The following TNFAIP8L3 variants were observed in gnomAD, a reference collection of about 807,000 sequenced individuals.
TNFAIP8L3 encodes the protein tumor necrosis factor alpha-induced protein 8-like protein 3.
A neutral mutation model predicts 11.8 loss-of-function variants in TNFAIP8L3; 7 were observed. That is an observed-to-expected ratio of 0.59 (90% CI 0.34 to 1.11). TNFAIP8L3 has a LOEUF of 1.11. Among genes scored for constraint, TNFAIP8L3 ranks in the 50% most tolerant of loss-of-function variants. TNFAIP8L3 has a pLI of 0.03. For synonymous variants in TNFAIP8L3, 98 were observed against 103.8 expected (o/e 0.94, Z 0.34); for missense variants, 219 against 258.6 (o/e 0.85, Z 1.05).
intron 1 of TNFAIP8L3, among the ~76,000 whole-genome samples, chr15:51,081,093 C>T (rs1233525801): frequency 6.6e-6 from 1 of 152,164 alleles, no homozygotes; most frequent in Non-Finnish European, 1.5e-5. Flanking sequence ...CCAGGAATGG[C>T]CACAAGACTT....
At chr15:51,104,160 A>G (rs916753450) in intron 1 of TNFAIP8L3, among the ~76,000 whole-genome samples, 1 of 152,132 alleles carries the variant, frequency 6.6e-6, no homozygotes, top group African/African-American at 2.4e-5. Context: ...CCATGCTGCC[A>G]TCCAAAGTCC....
At chr15:51,077,536 T>C (rs2065361506) in intron 1 of TNFAIP8L3, among the ~76,000 whole-genome samples, 3 of 152,142 alleles carry the variant, frequency 2.0e-5, no homozygotes, top group Admixed American at 2.0e-4. Context: ...TGGCTTCAAT[T>C]GTTTGTACCC....
intron 1 of TNFAIP8L3, among the ~76,000 whole-genome samples, chr15:51,093,932 G>A (rs1416232269): frequency 6.6e-6 from 1 of 152,206 alleles, no homozygotes; most frequent in South Asian, 2.1e-4. Context: ...GAAGTCGGGA[G>A]GCGCGCGCCC....
chr15:51,096,205 G>C (rs1485136889), upstream of TNFAIP8L3, among the ~76,000 whole-genome samples: 1 of 152,148 alleles, frequency 6.6e-6, no homozygotes, highest in East Asian at 1.9e-4. Context: ...GTGAGTTTTG[G>C]CTTCTGGTCT....
At position 51,094,895 on chromosome 15, in the gene TNFAIP8L3, C is replaced by T. The variant is rs113009206; in HGVS notation, c.-300G>A. Among the ~76,000 whole-genome samples, 3 of 151,080 alleles carry T rather than the reference C, an allele frequency of 2.0e-5. No homozygotes were observed. Among genetic ancestry groups the T allele is most frequent in the African/African-American group, 7.3e-5 (3 of 41,272 alleles). ...GGGGAGGCGCGAGCGCCGAGGAGCC[C>T]GAGCGTCCGGCGCCCGGCGGGCTCC... On this transcript the variant is annotated 5_prime_UTR_variant, in exon 1 of 2. Coordinates refer to ENST00000637513, the MANE Select transcript of TNFAIP8L3 (RefSeq NM_001311175.2). The surrounding 1 kb of genome is among the most constrained non-coding windows in gnomAD (Gnocchi z 4.4).
intron 1 of TNFAIP8L3, among the ~76,000 whole-genome samples, chr15:51,081,385 C>T (rs1273145982): frequency 6.6e-6 from 1 of 152,318 alleles, no homozygotes; most frequent in East Asian, 1.9e-4. Flanking sequence ...AAGAGGCTAC[C>T]CTCCAGGTGG....
At chr15:51,068,069 A>T (rs2065282981) in intron 1 of TNFAIP8L3, among the ~76,000 whole-genome samples, 1 of 152,236 alleles carries the variant, frequency 6.6e-6, no homozygotes, top group Non-Finnish European at 1.5e-5. Context: ...TTAGAAAGAT[A>T]GTTAAATGCT....
upstream of TNFAIP8L3, among the ~76,000 whole-genome samples, chr15:51,099,166 G>T (rs8041698): frequency 0.025 from 3,772 of 152,322 alleles, 194 homozygotes; most frequent in African/African-American, 0.087. Flanking sequence ...TCTTGCATTT[G>T]TCCAGCATCA....
At chr15:51,105,002 G>T in intron 1 of TNFAIP8L3, 1 of 1,614,124 alleles carries the variant, frequency 6.2e-7, no homozygotes, top group South Asian at 1.1e-5. Context: ...AGCCAGTGCT[G>T]ACCAAGTCCC....
At chr15:51,077,472 C>A (rs1304622937) in intron 1 of TNFAIP8L3, among the ~76,000 whole-genome samples, 1 of 152,236 alleles carries the variant, frequency 6.6e-6, no homozygotes, top group East Asian at 1.9e-4. Flanking sequence ...GCACGCCCTG[C>A]TGCCCACCCC....
chr15:51,095,468 G>T (rs1362115862), upstream of TNFAIP8L3, among the ~76,000 whole-genome samples: 2 of 152,102 alleles, frequency 1.3e-5, no homozygotes, highest in East Asian at 3.9e-4. Context: ...GGTGAAGCGG[G>T]TTCCGGGGGC....
At chr15:51,076,580 A>C (rs1382010146) in intron 1 of TNFAIP8L3, among the ~76,000 whole-genome samples, 3 of 152,198 alleles carry the variant, frequency 2.0e-5, no homozygotes, top group African/African-American at 7.2e-5. Flanking sequence ...TGGTCACTCA[A>C]AGATGCTGAG....
intron 1 of TNFAIP8L3, among the ~76,000 whole-genome samples, chr15:51,062,446 C>T (rs537440356): frequency 3.3e-5 from 5 of 152,112 alleles, no homozygotes; most frequent in Non-Finnish European, 7.4e-5. Flanking sequence ...CCTTAGGTTT[C>T]TTCTTAGGTA....
chr15:51,098,006 CA>C (rs1162943884), upstream of TNFAIP8L3, among the ~76,000 whole-genome samples: 1 of 152,226 alleles, frequency 6.6e-6, no homozygotes, highest in African/African-American at 2.4e-5. Context: ...TACATCTTTT[CA>C]GCCTGGCAGC....
At chr15:51,104,116 C>T (rs755612841) in intron 1 of TNFAIP8L3, among the ~76,000 whole-genome samples, 5 of 152,176 alleles carry the variant, frequency 3.3e-5, no homozygotes, top group Non-Finnish European at 7.4e-5. Context: ...TCATAGTCTC[C>T]AAATTAGTGC....
chr15:51,083,785 T>A (rs568096931), intron 1 of TNFAIP8L3, among the ~76,000 whole-genome samples: 1 of 150,298 alleles, frequency 6.7e-6, no homozygotes, highest in East Asian at 2.0e-4. Flanking sequence ...GGGCAGGGGG[T>A]GAACAGGGCA....
At chr15:51,103,626 T>C (rs904774517) in intron 1 of TNFAIP8L3, among the ~76,000 whole-genome samples, 1 of 152,248 alleles carries the variant, frequency 6.6e-6, no homozygotes, top group South Asian at 2.1e-4. Context: ...GGTTCTCCTC[T>C]GAAACAGACA....
At chr15:51,092,248 C>T (rs2065476985) in intron 1 of TNFAIP8L3, among the ~76,000 whole-genome samples, 1 of 152,246 alleles carries the variant, frequency 6.6e-6, no homozygotes, top group Admixed American at 6.5e-5. Flanking sequence ...AGAGGTCCCA[C>T]TCACTCTGCT....
At chr15:51,104,506 A>C (rs530693199) in intron 1 of TNFAIP8L3, among the ~76,000 whole-genome samples, 2 of 152,186 alleles carry the variant, frequency 1.3e-5, no homozygotes, top group Admixed American at 6.5e-5. Flanking sequence ...GCGCCATGTC[A>C]GTCTGTTTCT....
Sources: gnomAD v4.1 joint callset for allele counts (sites outside exome capture counted in the v4.1 genomes callset) on GRCh38, gnomAD v4.1.1 for gene constraint, Gnocchi (gnomAD v3.1) non-coding constraint, MANE v1.5 for transcripts, NCBI Gene and HGNC (gene_info 2026-07-23, HGNC 2026-07-21) for gene names.